CPA6: variants seen among roughly 807,000 people sequenced by gnomAD.
CPA6 encodes the protein carboxypeptidase A6, also known as carboxypeptidase B.
A neutral mutation model predicts 63.3 loss-of-function variants in CPA6; 58 were observed. That is an observed-to-expected ratio of 0.92 (90% CI 0.74 to 1.14). The LOEUF is 1.14. Ranked by LOEUF, CPA6 falls within the 50% of genes most tolerant of loss-of-function variation. CPA6 has a pLI of 0.00. For missense variants in CPA6, 565 were observed against 526.6 expected (o/e 1.07, Z -0.71); for synonymous variants, 185 against 179.0 (o/e 1.03, Z -0.27).
chr8:67,447,422 A>G (rs750383588), intron 8 of CPA6, among the ~76,000 whole-genome samples: 15 of 152,142 alleles, frequency 9.9e-5, no homozygotes, highest in Non-Finnish European at 2.1e-4. Context: ...ATCAAAGTAT[A>G]TGTATCCTTA....
intron 1 of CPA6, among the ~76,000 whole-genome samples, chr8:67,662,801 A>G (rs1816147014): frequency 6.6e-6 from 1 of 152,152 alleles, no homozygotes. Context: ...CTGCAGGAGC[A>G]CCTTGGAAAG....
rs763794254 is a variant in CPA6 at position 67,483,820 on chromosome 8, C to T, written c.786G>A (p.Arg262=). The T allele has an allele frequency of 1.2e-6, 2 of 1,614,184 alleles. No individual in the cohort carries two copies. The highest frequency in any genetic ancestry group is 2.2e-5 in the South Asian group (2 of 91,080). The change falls in exon 8 of 11, where the codon AGG becomes AGA. Residue 262 remains arginine, a synonymous_variant. Coordinates refer to ENST00000297770, the MANE Select transcript of CPA6 (RefSeq NM_020361.5). The part of the protein sequence containing the change: ...FWRKTRSRNS[R]FRCRGVDANR... Reference sequence around the variant, plus strand: ...TGGCATCCACTCCACGGCAGCGAAACCTTGAGTTCCTTGACCTTGTTTTTC... The same window carrying T: ...TGGCATCCACTCCACGGCAGCGAAATCTTGAGTTCCTTGACCTTGTTTTTC...
At chr8:67,425,034 AT>A (rs897418796) in intron 10 of CPA6, among the ~76,000 whole-genome samples, 3 of 152,238 alleles carry the variant, frequency 2.0e-5, no homozygotes, top group Non-Finnish European at 4.4e-5. Context: ...AAAGAGACTG[AT>A]AATACAGTAC....
intron 1 of CPA6, among the ~76,000 whole-genome samples, chr8:67,660,625 G>A (rs1028135446): frequency 1.3e-5 from 2 of 149,592 alleles, no homozygotes; most frequent in East Asian, 2.0e-4. Flanking sequence ...TTACAGGAAC[G>A]AACCTCTATG....
intron 8 of CPA6, among the ~76,000 whole-genome samples, chr8:67,481,805 G>C (rs1192022659): frequency 6.6e-6 from 1 of 152,146 alleles, no homozygotes; most frequent in African/African-American, 2.4e-5. Flanking sequence ...AACTGCGGGG[G>C]GATGGACCTG....
chr8:67,631,352 T>C (rs1815324871), intron 1 of CPA6, among the ~76,000 whole-genome samples: 1 of 152,194 alleles, frequency 6.6e-6, no homozygotes, highest in Non-Finnish European at 1.5e-5. Context: ...GGATTGTAAA[T>C]GCACCATTCA....
At chr8:67,534,208 G>A (rs1812535978) in intron 2 of CPA6, among the ~76,000 whole-genome samples, 1 of 152,196 alleles carries the variant, frequency 6.6e-6, no homozygotes, top group South Asian at 2.1e-4. Context: ...GATCTCATGA[G>A]TAAGGAGGAT....
At chr8:67,672,323 G>A (rs978705410) in intron 1 of CPA6, among the ~76,000 whole-genome samples, 2 of 152,048 alleles carry the variant, frequency 1.3e-5, no homozygotes, top group South Asian at 2.1e-4. Flanking sequence ...ATTCCACTCC[G>A]TGTGTAAAAT....
chr8:67,512,774 T>C (rs184209043), intron 3 of CPA6, among the ~76,000 whole-genome samples: 18 of 152,360 alleles, frequency 1.2e-4, no homozygotes, highest in Non-Finnish European at 1.5e-5. Context: ...TTTAATGGTT[T>C]AAGTGCTATT....
At chr8:67,468,081 A>G (rs1241194504) in intron 8 of CPA6, among the ~76,000 whole-genome samples, 2 of 151,834 alleles carry the variant, frequency 1.3e-5, no homozygotes, top group South Asian at 4.2e-4. Flanking sequence ...AATAACCCCA[A>G]AAAACAATCT....
At chr8:67,560,142 C>T (rs539848550) in intron 2 of CPA6, among the ~76,000 whole-genome samples, 1 of 123,136 alleles carries the variant, frequency 8.1e-6, no homozygotes, top group Non-Finnish European at 1.7e-5. Flanking sequence ...GTTGGTATCA[C>T]ATCTTCTTGT....
chr8:67,630,560 G>C (rs776387073), intron 1 of CPA6, among the ~76,000 whole-genome samples: 3 of 152,252 alleles, frequency 2.0e-5, no homozygotes, highest in African/African-American at 7.2e-5. Flanking sequence ...AATGAGAGGT[G>C]ACAGTGTGCT....
At chr8:67,688,435 C>T (rs990556004) in intron 1 of CPA6, among the ~76,000 whole-genome samples, 5 of 152,174 alleles carry the variant, frequency 3.3e-5, no homozygotes, top group African/African-American at 1.2e-4. Context: ...GGGAACGCTC[C>T]TTATTACTTC....
At chr8:67,510,941 G>A (rs546141078) in intron 4 of CPA6, among the ~76,000 whole-genome samples, 60 of 152,310 alleles carry the variant, frequency 3.9e-4, no homozygotes, top group Middle Eastern at 6.8e-3. Context: ...GTTGGTGGAG[G>A]AGGGGTTTAA....
intron 1 of CPA6, among the ~76,000 whole-genome samples, chr8:67,715,919 C>T (rs903359271): frequency 1.3e-5 from 2 of 151,932 alleles, no homozygotes; most frequent in Non-Finnish European, 2.9e-5. Context: ...TTTGGGAGGC[C>T]GAGACGGGTG....
intron 1 of CPA6, among the ~76,000 whole-genome samples, chr8:67,718,925 A>G (rs565812937): frequency 6.6e-6 from 1 of 152,190 alleles, no homozygotes; most frequent in African/African-American, 2.4e-5. Flanking sequence ...GATTACAGGC[A>G]TGAGCCACCG....
At chr8:67,497,115 T>C (rs1240249621) in intron 6 of CPA6, among the ~76,000 whole-genome samples, 2 of 152,198 alleles carry the variant, frequency 1.3e-5, no homozygotes, top group Non-Finnish European at 2.9e-5. Flanking sequence ...TGAGATACGA[T>C]TCACAGAATA....
chr8:67,689,235 T>A (rs1816767778), intron 1 of CPA6, among the ~76,000 whole-genome samples: 1 of 151,778 alleles, frequency 6.6e-6, no homozygotes, highest in Non-Finnish European at 1.5e-5. Context: ...CATATTAGCA[T>A]ACACACCCAC....
intron 2 of CPA6, among the ~76,000 whole-genome samples, chr8:67,548,791 C>T (rs1208702181): frequency 6.6e-6 from 1 of 152,228 alleles, no homozygotes; most frequent in Non-Finnish European, 1.5e-5. Flanking sequence ...TTCCCACTGC[C>T]TCTGCCTCCA....
Sources: gnomAD v4.1 joint callset for allele counts (sites outside exome capture counted in the v4.1 genomes callset) on GRCh38, gnomAD v4.1.1 for gene constraint, MANE v1.5 for transcripts, NCBI Gene and HGNC (gene_info 2026-07-23, HGNC 2026-07-21) for gene names.